Variants in WASHC5 observed in about 807,000 individuals in gnomAD.
WASHC5 encodes the protein WASH complex subunit strumpellin.
In WASHC5, 101 loss-of-function variants were observed where a neutral mutation model predicts 150.4. That is an observed-to-expected ratio of 0.67 (90% CI 0.57 to 0.79). The LOEUF (loss-of-function observed/expected upper bound fraction) is 0.79, where lower values mean the gene tolerates loss of function less well. WASHC5 is among the 30% of genes least tolerant of loss of function. WASHC5 has a pLI of 0.00. For synonymous variants in WASHC5, 467 were observed against 491.2 expected (o/e 0.95, Z 0.65); for missense variants, 1,195 against 1,396.3 (o/e 0.86, Z 2.30).
chr8:125,042,928 A>G (rs1815938316), intron 23 of WASHC5, among the ~76,000 whole-genome samples: 1 of 152,236 alleles, frequency 6.6e-6, no homozygotes, highest in Non-Finnish European at 1.5e-5. Flanking sequence ...TAAGATACCA[A>G]TGAGTGCTGT....
At chr8:125,056,388 A>G (rs1418701549) in intron 16 of WASHC5, among the ~76,000 whole-genome samples, 3 of 152,260 alleles carry the variant, frequency 2.0e-5, no homozygotes, top group Non-Finnish European at 2.9e-5. Flanking sequence ...TAGCTCAAAG[A>G]GAACAAGGGC....
chr8:125,037,731 GGAA>G (rs754269965), intron 25 of WASHC5, among the ~76,000 whole-genome samples: 54 of 151,992 alleles, frequency 3.6e-4, no homozygotes, highest in Admixed American at 4.6e-4. Flanking sequence ...AGGGAAAGAG[GGAA>G]GAAGGAGAGG....
intron 5 of WASHC5, among the ~76,000 whole-genome samples, chr8:125,079,142 A>ATATATATAT (rs1312566224): frequency 2.8e-5 from 3 of 108,232 alleles, no homozygotes; most frequent in African/African-American, 1.7e-4. Flanking sequence ...ATATATATAC[A>ATATATATAT]TTTTTTTTTG....
chr8:125,063,496 A>C, intron 11 of WASHC5, 26 bp downstream of exon 11: 1 of 1,612,218 alleles, frequency 6.2e-7, no homozygotes. Context: ...TTCCAAACAC[A>C]CCAGTATTTC....
At chr8:125,090,233 GTAAA>G (rs771795299) in intron 1 of WASHC5, among the ~76,000 whole-genome samples, 8 of 152,142 alleles carry the variant, frequency 5.3e-5, no homozygotes, top group African/African-American at 9.7e-5. Context: ...AGAGTATTTG[GTAAA>G]TAGCCCCCTC....
intron 27 of WASHC5, among the ~76,000 whole-genome samples, chr8:125,029,615 T>C (rs932533812): frequency 6.6e-6 from 1 of 152,230 alleles, no homozygotes; most frequent in African/African-American, 2.4e-5. Flanking sequence ...CAATTTTTCA[T>C]ATGGGATTTT....
At chr8:125,083,397 A>C (rs1817328910) in intron 2 of WASHC5, 139 bp from the exon 3 acceptor site, 2 of 758,320 alleles carry the variant, frequency 2.6e-6, no homozygotes, top group African/African-American at 3.6e-5. Flanking sequence ...TAGTGAAGAT[A>C]ATAGAAGCCT....
chr8:125,058,579 T>C (rs1318103396), intron 14 of WASHC5, among the ~76,000 whole-genome samples: 1 of 152,048 alleles, frequency 6.6e-6, no homozygotes, highest in African/African-American at 2.4e-5. Context: ...AAACCCCATC[T>C]CTACTAAAAA....
intron 2 of WASHC5, among the ~76,000 whole-genome samples, 196 bp downstream of exon 2, chr8:125,083,517 C>A (rs1817334035): frequency 1.3e-5 from 2 of 152,226 alleles, no homozygotes; most frequent in South Asian, 4.1e-4. Context: ...TTTAAAAATA[C>A]AATTATATTG....
intron 2 of WASHC5, 132 bp downstream of exon 2, chr8:125,083,581 T>C (rs1464166263): frequency 8.5e-6 from 6 of 706,098 alleles, no homozygotes; most frequent in South Asian, 3.7e-5. Flanking sequence ...GTAGCTAATA[T>C]TAAGTTTAGT....
At chr8:125,084,144 A>G in intron 1 of WASHC5, 122 bp from the exon 2 acceptor site, 1 of 484,782 alleles carries the variant, frequency 2.1e-6, no homozygotes, top group South Asian at 2.1e-5. Context: ...GAGTTCCTTT[A>G]TAGGGGAAAG....
intron 27 of WASHC5, among the ~76,000 whole-genome samples, chr8:125,030,637 TAAAAAA>T (rs71295816): frequency 1.9e-5 from 1 of 52,788 alleles, no homozygotes; most frequent in Non-Finnish European, 3.6e-5. Context: ...CTCTTTCTCA[TAAAAAA>T]AAAAAAAAAA....
chr8:125,063,399 A>G, intron 11 of WASHC5, 123 bp downstream of exon 11: 2 of 1,091,752 alleles, frequency 1.8e-6, no homozygotes, highest in Non-Finnish European at 2.8e-6. Context: ...GCAACACTAA[A>G]GATGGAATAT....
At chr8:125,024,844 C>T (rs773048670) in intron 28 of WASHC5, among the ~76,000 whole-genome samples, 171 bp from the exon 29 acceptor site, 3 of 151,962 alleles carry the variant, frequency 2.0e-5, no homozygotes, top group African/African-American at 4.8e-5. Context: ...GCCCCCTAGA[C>T]TAGCGTCTCA....
At chr8:125,086,739 T>C (rs1817432171) in intron 1 of WASHC5, among the ~76,000 whole-genome samples, 1 of 152,212 alleles carries the variant, frequency 6.6e-6, no homozygotes. Context: ...TATCTCCTTT[T>C]GCTCTCTTTG....
At chr8:125,030,837 A>G (rs2129957552) in intron 27 of WASHC5, among the ~76,000 whole-genome samples, 1 of 152,228 alleles carries the variant, frequency 6.6e-6, no homozygotes, top group East Asian at 1.9e-4. Context: ...AAAGTCACTC[A>G]CTATGGTGAG....
At position 125,075,208 on chromosome 8, in the gene WASHC5, T is replaced by G. The variant is rs530618642; in HGVS notation, c.865-97A>C. On this transcript the variant is annotated intron_variant, in intron 7 of 28. Transcript: ENST00000318410. ...ATAGAAGGCAATACCCACTCCATGT[T>G]TAAATTCCATTCCAATGAAAAACCA... The G allele has an allele frequency of 1.5e-5, 12 of 794,648 alleles. No individual in the cohort carries two copies. In the African/African-American group the frequency reaches 1.5e-4, roughly 10 times the overall value. The allele number at this position is 794,648 out of a possible 1,614,324, so 49.2% of individuals were successfully genotyped here.
In WASHC5 at chr8:125,033,538, A is replaced by G. The variant is rs1252314364; in HGVS notation, c.3182-1144T>C. On this transcript the variant is annotated intron_variant, in intron 26 of 28. Coordinates refer to ENST00000318410, the MANE Select transcript of WASHC5 (RefSeq NM_014846.4). Reference sequence around the variant, plus strand: ...ATCGAAGATATCTTTGTGACCTTGAAGAAGGCAGAGATTTCTTTTTTTTTT... The same window carrying G: ...ATCGAAGATATCTTTGTGACCTTGAGGAAGGCAGAGATTTCTTTTTTTTTT... Among the ~76,000 whole-genome samples the G allele has an allele frequency of 2.6e-5, 4 of 151,502 alleles. No homozygotes were observed. In the East Asian group the frequency reaches 5.8e-4, roughly 22 times the overall value.
Position 125,047,274 on chromosome 8 carries a change from G to T in WASHC5, c.2437C>A (p.Pro813Thr), listed in dbSNP as rs751533647. 6.2e-7 allele frequency: 1 copy of T among 1,613,976 alleles called. No individual in the cohort carries two copies. Among genetic ancestry groups the T allele is most frequent in the East Asian group, 2.2e-5 (1 of 44,876 alleles). The change falls in exon 20 of 29, where the codon CCT becomes ACT. Residue 813 changes from proline (P) to threonine (T), a missense_variant. Physicochemically the swap from Pro to Thr is conservative, Grantham distance 38 (BLOSUM62 -1). Coordinates refer to ENST00000318410, the MANE Select transcript of WASHC5 (RefSeq NM_014846.4). ...STHIPIPKFT[P>T]VDESVTFIGR... ...ATAAACGTTACAGACTCATCCACAG[G>T]GGTAAACTTGGGTATTGGAATATGA... is the stretch of plus-strand genomic sequence containing the variant.
Sources: allele counts gnomAD v4.1 joint callset (sites outside exome capture counted in the v4.1 genomes callset), GRCh38; gene constraint gnomAD v4.1.1; transcripts MANE v1.5; gene names NCBI Gene and HGNC (gene_info 2026-07-23, HGNC 2026-07-21).